The following FAM221A variants were observed in gnomAD, a reference collection of about 807,000 sequenced individuals.
FAM221A encodes protein FAM221A.
In FAM221A, 43 loss-of-function variants were observed where a neutral mutation model predicts 37.6. The observed-to-expected ratio is 1.15, with a 90% confidence interval of 0.90 to 1.48. The LOEUF is 1.48. Among genes scored for constraint, FAM221A ranks in the 40% most tolerant of loss-of-function variants. The probability of loss-of-function intolerance (pLI) is 0.00; values close to 1 mark genes in which losing one functional copy is unlikely to be tolerated. For synonymous variants in FAM221A, 135 were observed against 132.9 expected (o/e 1.02, Z -0.11); for missense variants, 361 against 361.5 (o/e 1.00, Z 0.01).
chr7:23,689,503 T>A, intron 3 of FAM221A, 44 bp downstream of exon 3: 1 of 1,384,604 alleles, frequency 7.2e-7, no homozygotes, highest in African/African-American at 1.4e-5. Flanking sequence ...AATGTTTATA[T>A]GTCTTCCTTG....
chr7:23,689,429 A>T lies in FAM221A; in HGVS notation c.400A>T (p.Ser134Cys). The change falls in exon 3 of 7, where the codon AGT (serine) becomes TGT (cysteine). Residue 134 changes from serine to cysteine, a missense_variant. Ser to Cys is a moderately radical substitution (Grantham distance 112, BLOSUM62 -1). Transcript: ENST00000344962. ...CRCKHFADQH[S>C]AAPGFTCNTC... ...GTGCAAACACTTTGCTGATCAGCAC[A>T]GTGCTGCGCCTGGCTTTACATGCAA... 1 of 1,579,426 alleles carries T rather than the reference A, an allele frequency of 6.3e-7. No homozygotes were observed. Among genetic ancestry groups the T allele is most frequent in the Non-Finnish European group, 8.7e-7 (1 of 1,152,990 alleles).
In FAM221A at chr7:23,691,389, G is replaced by C; in HGVS notation, c.431-1G>C. On this transcript the variant is annotated splice_acceptor_variant, in intron 3 of 6. Coordinates refer to ENST00000344962, the MANE Select transcript of FAM221A (RefSeq NM_199136.5). LOFTEE classifies it high-confidence loss of function. ...TTAACTCCCTTTACATCTTGATTCA[G>C]GTTCCAAGTGTTCAGGATTCCATAG... 1 of 1,613,954 alleles carries C rather than the reference G, an allele frequency of 6.2e-7. No homozygotes were observed. Among genetic ancestry groups the C allele is most frequent in the Non-Finnish European group, 8.5e-7 (1 of 1,179,862 alleles).
intron 1 of FAM221A, 143 bp from the exon 2 acceptor site, chr7:23,684,356 A>T: frequency 1.5e-6 from 1 of 649,344 alleles, no homozygotes. Flanking sequence ...TGTTACAGAG[A>T]CCCGGCCTGC....
intron 4 of FAM221A, chr7:23,694,315 G>T (rs1044509579): frequency 6.6e-6 from 1 of 151,990 alleles, no homozygotes; most frequent in Non-Finnish European, 1.5e-5. Flanking sequence ...TAGCTTCCTG[G>T]TGTGTCATGA....
intron 3 of FAM221A, among the ~76,000 whole-genome samples, chr7:23,690,659 T>C (rs183332939): frequency 6.6e-6 from 1 of 152,294 alleles, no homozygotes; most frequent in East Asian, 1.9e-4. Flanking sequence ...AAATGTGCAG[T>C]TTAATGATTT....
chr7:23,700,813 T>C lies in FAM221A; in HGVS notation c.773T>C (p.Leu258Ser). ...GGTACAAGTAGTCAAGTTTCTTCAT[T>C]AAGGAGACCTGAAGAGGATGATATG... The part of the protein sequence containing the change: ...DVGTSSQVSS[L>S]RRPEEDDMAF... The change falls in exon 6 of 7, where the codon TTA becomes TCA. Residue 258 changes from leucine to serine, a missense_variant. Leu to Ser is a moderately radical substitution (Grantham distance 145, BLOSUM62 -2). Coordinates refer to ENST00000344962, the MANE Select transcript of FAM221A (RefSeq NM_199136.5). 1 of 1,607,704 alleles carries C rather than the reference T, an allele frequency of 6.2e-7. No individual in the cohort carries two copies. Among genetic ancestry groups the C allele is most frequent in the South Asian group, 1.1e-5 (1 of 89,430 alleles).
intron 4 of FAM221A, among the ~76,000 whole-genome samples, chr7:23,695,829 A>G (rs1286262348): frequency 6.6e-6 from 1 of 152,130 alleles, no homozygotes; most frequent in Non-Finnish European, 1.5e-5. Context: ...TTATTTTATA[A>G]AAATAATGTT....
chr7:23,695,789 ATTAC>A (rs748367263), intron 4 of FAM221A, among the ~76,000 whole-genome samples: 13 of 152,202 alleles, frequency 8.5e-5, no homozygotes, highest in Middle Eastern at 3.4e-3. Context: ...TACCATTCTT[ATTAC>A]TTAGAGTTTT....
chr7:23,682,197 C>T (rs1406390509), intron 1 of FAM221A, among the ~76,000 whole-genome samples: 2 of 151,420 alleles, frequency 1.3e-5, no homozygotes, highest in East Asian at 2.0e-4. Flanking sequence ...TCCTAACTAG[C>T]TAGGACTACA....
intron 4 of FAM221A, chr7:23,693,187 A>G (rs1360236208): frequency 1.3e-5 from 2 of 152,218 alleles, no homozygotes; most frequent in South Asian, 2.1e-4. Context: ...AAGTAAAACT[A>G]TTGGAGCGTG....
rs398004023 is a variant in FAM221A at position 23,690,199 on chromosome 7, A to ATTTT, written c.430+751_430+754dup. On this transcript the variant is annotated intron_variant, in intron 3 of 6. Transcript: ENST00000344962. ...TATATATATATATATATATATATAT[A>ATTTT]TTTTTTTTTTTTTTAATAGAGTTTT... is the stretch of plus-strand genomic sequence containing the variant. Among the ~76,000 whole-genome samples the ATTTT allele has an allele frequency of 4.5e-3, 218 of 48,712 alleles. 5 individuals carry two copies. The highest frequency in any genetic ancestry group is 0.016 in the African/African-American group (182 of 11,736). 32.0% of individuals were successfully genotyped at this position (48,712 alleles called of 152,430 possible).
chr7:23,686,575 C>G (rs1784384572), intron 2 of FAM221A: 4 of 205,992 alleles, frequency 1.9e-5, no homozygotes, highest in Middle Eastern at 2.0e-3. Flanking sequence ...TGACCCAACT[C>G]AACTTTGATG....
Position 23,684,513 on chromosome 7 carries a change from A to C in FAM221A, c.80A>C (p.Asp27Ala). 1 of 1,607,684 alleles carries C rather than the reference A, an allele frequency of 6.2e-7. No homozygotes were observed. The highest frequency in any genetic ancestry group is 8.5e-7 in the Non-Finnish European group (1 of 1,177,574). Residue 27 changes from aspartate to alanine, a missense_variant, in exon 2 of 7, where the codon GAT becomes GCT. Physicochemically the swap from Asp to Ala is moderately radical, Grantham distance 126. Transcript: ENST00000344962. ...YLEYRRIVGE[D>A]DGGKLFTPEE... The stretch of plus-strand genomic sequence containing the variant: ...TTTTGTTGTAGAATTGTTGGTGAGG[A>C]TGATGGAGGGAAACTTTTTACTCCT...
At chr7:23,684,799 A>G in intron 2 of FAM221A, 127 bp downstream of exon 2, 3 of 915,678 alleles carry the variant, frequency 3.3e-6, no homozygotes, top group Non-Finnish European at 4.7e-6. Flanking sequence ...AGTAGAAATT[A>G]TCAGCTGGGG....
Position 23,680,226 on chromosome 7 carries a change from G to A in FAM221A, c.8G>A (p.Arg3Gln). 1 of 1,549,770 alleles carries A rather than the reference G, an allele frequency of 6.5e-7. No homozygotes were observed. The highest frequency in any genetic ancestry group is 1.4e-5 in the African/African-American group (1 of 72,930). The change falls in exon 1 of 7, where the codon CGG (arginine) becomes CAG (glutamine). Residue 3 changes from arginine (R) to glutamine (Q), a missense_variant. By Grantham distance (43) the Arg-to-Gln change is conservative. Transcript: ENST00000344962. ME[R>Q]LTLPLGGAAA... ...TTGGCTTCCCCACCGGCAATGGAGC[G>A]GTTGACGTTGCCTCTCGGCGGCGCG...
intron 6 of FAM221A, among the ~76,000 whole-genome samples, chr7:23,701,236 CTCTTTTTT>C (rs1785416670): frequency 1.4e-5 from 1 of 72,746 alleles, no homozygotes; most frequent in Non-Finnish European, 3.0e-5. Flanking sequence ...ATTTTGAATT[CTCTTTTTT>C]TTTTTTTTTT....
rs867175543 is a variant in FAM221A, at chr7:23,684,585, A to G, written c.152A>G (p.Gln51Arg). The change falls in exon 2 of 7, where the codon CAA becomes CGA. Residue 51 changes from glutamine (Q) to arginine (R), a missense_variant. By Grantham distance (43) the Gln-to-Arg change is conservative (BLOSUM62 1). Transcript: ENST00000344962. Reference protein sequence around the residue: ...YKRKVLPLRLQNRLFVSWRSP... With the variant: ...YKRKVLPLRLRNRLFVSWRSP... ...AGAAAAGTTTTACCTCTGCGCTTAC[A>G]AAACAGATTATTTGTGAGCTGGCGG... is the stretch of plus-strand genomic sequence containing the variant. 5.0e-6 allele frequency: 8 copies of G among 1,614,212 alleles called. No homozygotes were observed. Among genetic ancestry groups the G allele is most frequent in the South Asian group, 2.2e-5 (2 of 91,080 alleles).
intron 4 of FAM221A, 43 bp from the exon 5 acceptor site, chr7:23,698,149 C>G (rs1305307773): frequency 5.1e-6 from 5 of 987,176 alleles, no homozygotes; most frequent in Non-Finnish European, 8.0e-6. Context: ...GTTTGTATCC[C>G]TGTAAATATT....
At chr7:23,681,007 C>T (rs1784007101) in intron 1 of FAM221A, among the ~76,000 whole-genome samples, 1 of 152,184 alleles carries the variant, frequency 6.6e-6, no homozygotes, top group Admixed American at 6.5e-5. Context: ...GACAGGGGCT[C>T]CTCTGCGGCA....
Sources: gnomAD v4.1 joint callset for allele counts (sites outside exome capture counted in the v4.1 genomes callset) on GRCh38, gnomAD v4.1.1 for gene constraint, MANE v1.5 for transcripts, NCBI Gene and HGNC (gene_info 2026-07-23, HGNC 2026-07-21) for gene names.